The following SAMMSON variants were observed in gnomAD, a reference collection of about 807,000 sequenced individuals.
SAMMSON encodes the protein long intergenic non-protein coding RNA 1212.
intron 2 of SAMMSON, among the ~76,000 whole-genome samples, chr3:70,398,111 C>T (rs971968796): frequency 1.3e-5 from 2 of 152,052 alleles, no homozygotes; most frequent in Non-Finnish European, 2.9e-5. Flanking sequence ...GCAATTCCAT[C>T]AGAGCAACTT....
chr3:70,299,983 C>G (rs1399573620), intron 7 of SAMMSON, among the ~76,000 whole-genome samples: 4 of 152,146 alleles, frequency 2.6e-5, no homozygotes, highest in Non-Finnish European at 2.9e-5. Flanking sequence ...ATACCCCAGA[C>G]TTTTCTGCCT....
chr3:70,124,453 G>A (rs1396692541), intron 4 of SAMMSON, among the ~76,000 whole-genome samples: 3 of 152,142 alleles, frequency 2.0e-5, no homozygotes, highest in African/African-American at 7.2e-5. Flanking sequence ...ATTTCCAAGT[G>A]TTATAATGTT....
At chr3:70,148,393 A>C (rs1172144640) in intron 4 of SAMMSON, among the ~76,000 whole-genome samples, 2 of 152,158 alleles carry the variant, frequency 1.3e-5, no homozygotes, top group African/African-American at 4.8e-5. Context: ...ATTCTTGCAG[A>C]TATTCAATTA....
chr3:70,377,525 C>G (rs1703028034), intron 9 of SAMMSON, among the ~76,000 whole-genome samples: 1 of 151,838 alleles, frequency 6.6e-6, no homozygotes, highest in Non-Finnish European at 1.5e-5. Context: ...TTTTTTTAAT[C>G]TAAATAAAAC....
At chr3:70,135,314 T>G (rs1444323762) in intron 4 of SAMMSON, among the ~76,000 whole-genome samples, 1 of 152,174 alleles carries the variant, frequency 6.6e-6, no homozygotes, top group African/African-American at 2.4e-5. Context: ...ATATGTACCT[T>G]TGACCTTATT....
intron 4 of SAMMSON, chr3:70,126,050 T>C: frequency 1.9e-6 from 2 of 1,032,772 alleles, no homozygotes; most frequent in Non-Finnish European, 1.5e-6. Flanking sequence ...ATTTTATTCA[T>C]AAGATGAAGG....
At chr3:70,019,500 G>A (rs2067001444) in intron 3 of SAMMSON, among the ~76,000 whole-genome samples, 1 of 152,166 alleles carries the variant, frequency 6.6e-6, no homozygotes. Context: ...TGGGTCTCCT[G>A]AATACAGCGC....
rs1575624731 is a variant in SAMMSON, at chr3:70,318,466, G to A, written n.739+27223G>A. On this transcript the variant is annotated intron_variant and non_coding_transcript_variant, in intron 7 of 9. Coordinates refer to ENST00000642114, the Ensembl canonical transcript of SAMMSON. ...TTCAGTGTGAGAATTAACATTTTGT[G>A]TGTGTGTGTGTGTGAGTGTGTGTGT... 2.0e-5 allele frequency among the ~76,000 whole-genome samples: 3 copies of A among 151,842 alleles called. 1 individual carries two copies. Among genetic ancestry groups the A allele is most frequent in the African/African-American group, 7.2e-5 (3 of 41,456 alleles).
At chr3:70,212,815 TCTCA>T (rs1473681258) in intron 4 of SAMMSON, among the ~76,000 whole-genome samples, 1 of 151,966 alleles carries the variant, frequency 6.6e-6, no homozygotes, top group East Asian at 1.9e-4. Flanking sequence ...TGAGACAGGG[TCTCA>T]CTCTGTCACC....
At chr3:70,174,474 G>C (rs936373249) in intron 4 of SAMMSON, among the ~76,000 whole-genome samples, 4 of 151,904 alleles carry the variant, frequency 2.6e-5, no homozygotes, top group African/African-American at 9.7e-5. Flanking sequence ...GAGTAGCAGA[G>C]CTAAGCAAGG....
At chr3:70,104,732 C>G (rs1356928291) in intron 4 of SAMMSON, among the ~76,000 whole-genome samples, 1 of 152,092 alleles carries the variant, frequency 6.6e-6, no homozygotes, top group African/African-American at 2.4e-5. Context: ...TTGTGGCAGT[C>G]CATATAAACT....
intron 7 of SAMMSON, among the ~76,000 whole-genome samples, chr3:70,321,584 C>T (rs909315529): frequency 1.6e-4 from 25 of 151,702 alleles, no homozygotes; most frequent in African/African-American, 5.1e-4. Flanking sequence ...TTATGGTTTT[C>T]GTATTTTCAA....
At chr3:70,116,670 G>C (rs955252132) in intron 4 of SAMMSON, among the ~76,000 whole-genome samples, 1 of 152,010 alleles carries the variant, frequency 6.6e-6, no homozygotes, top group Non-Finnish European at 1.5e-5. Context: ...TATAACTACC[G>C]TGTTTTGTTA....
At chr3:70,364,219 TAGG>T (rs200152550) in intron 9 of SAMMSON, among the ~76,000 whole-genome samples, 1,631 of 152,024 alleles carry the variant, frequency 0.011, 113 homozygotes, top group Admixed American at 0.09. Context: ...AATTATCTGT[TAGG>T]AGAAGTTAAT....
At chr3:70,288,496 G>A (rs1702191347) in intron 6 of SAMMSON, among the ~76,000 whole-genome samples, 1 of 150,734 alleles carries the variant, frequency 6.6e-6, no homozygotes, top group Admixed American at 6.6e-5. Context: ...GTCAATTTTG[G>A]AATAGGTGTG....
intron 4 of SAMMSON, among the ~76,000 whole-genome samples, chr3:70,134,722 T>C (rs977412645): frequency 1.3e-5 from 2 of 152,210 alleles, no homozygotes; most frequent in African/African-American, 4.8e-5. Context: ...CTTATACATA[T>C]GATACATATT....
intron 7 of SAMMSON, among the ~76,000 whole-genome samples, chr3:70,314,848 A>T (rs902453744): frequency 1.3e-5 from 2 of 152,114 alleles, no homozygotes; most frequent in Admixed American, 1.3e-4. Flanking sequence ...AGATGCTTCC[A>T]GGTTCATTTT....
intron 4 of SAMMSON, among the ~76,000 whole-genome samples, chr3:70,078,526 A>C (rs1415110587): frequency 6.6e-6 from 1 of 152,144 alleles, no homozygotes; most frequent in Non-Finnish European, 1.5e-5. Context: ...TTGAGCAAGC[A>C]GATGTGGAGA....
At chr3:70,177,858 T>G (rs908943872) in intron 4 of SAMMSON, among the ~76,000 whole-genome samples, 3 of 152,218 alleles carry the variant, frequency 2.0e-5, no homozygotes, top group African/African-American at 7.2e-5. Flanking sequence ...ACTTTTAGTG[T>G]AAGGAGATCC....
Sources: gnomAD v4.1 joint callset for allele counts (sites outside exome capture counted in the v4.1 genomes callset) on GRCh38, gnomAD v4.1.1 for gene constraint, MANE v1.5 for transcripts, NCBI Gene and HGNC (gene_info 2026-07-23, HGNC 2026-07-21) for gene names.